ARNT2: variants seen among roughly 807,000 people sequenced by gnomAD.
ARNT2 encodes aryl hydrocarbon receptor nuclear translocator 2.
A neutral mutation model predicts 91.7 loss-of-function variants in ARNT2; 36 were observed. The ratio of observed to expected loss-of-function variants is 0.39; its 90% CI spans 0.30 to 0.52. The LOEUF (loss-of-function observed/expected upper bound fraction) is 0.52. ARNT2 is among the 20% of genes least tolerant of loss of function. The pLI is 0.72. For synonymous variants in ARNT2, 365 were observed against 347.1 expected, an observed-to-expected ratio of 1.05 and a Z score of -0.57; for missense variants, 775 against 939.3, an observed-to-expected ratio of 0.83 and a Z score of 2.29.
chr15:80,529,913 TC>T (rs752602497), intron 8 of ARNT2, among the ~76,000 whole-genome samples: 1 of 152,234 alleles, frequency 6.6e-6, no homozygotes, highest in Non-Finnish European at 1.5e-5. Flanking sequence ...CTGAACTCCA[TC>T]TTTGCTGAAT....
chr15:80,539,613 A>G (rs893327399), intron 8 of ARNT2, among the ~76,000 whole-genome samples: 1 of 152,136 alleles, frequency 6.6e-6, no homozygotes, highest in Non-Finnish European at 1.5e-5. Context: ...ATAAAATATA[A>G]TTACTTAAGA....
Position 80,593,801 on chromosome 15 carries a change from C to A in ARNT2, c.*103C>A, listed in dbSNP as rs1893327994. On this transcript the variant is annotated 3_prime_UTR_variant, in exon 19 of 19. Transcript: ENST00000303329. ...CTCGCCCTGCTTGCCCTGCCGCAGGCCCCCCACCAGAAGCCATCTCCCCCG... is the reference window on the plus strand; with the variant it reads ...CTCGCCCTGCTTGCCCTGCCGCAGGACCCCCACCAGAAGCCATCTCCCCCG... 8 of 1,082,558 alleles carry A rather than the reference C, an allele frequency of 7.4e-6. No homozygotes were observed. The South Asian group carries it at 1.0e-4, about 14-fold the overall frequency. The allele number at this position is 1,082,558 out of a possible 1,614,324, so 67.1% of individuals were successfully genotyped here. A position where few individuals can be genotyped will look rare whatever the true frequency, so the allele number is the denominator to read the frequency against.
intron 14 of ARNT2, among the ~76,000 whole-genome samples, chr15:80,576,096 A>C (rs1410684098): frequency 2.6e-5 from 4 of 152,164 alleles, no homozygotes; most frequent in Non-Finnish European, 5.9e-5. Context: ...GGGGATGATT[A>C]AGTAACAGTC....
chr15:80,592,776 C>A (rs1278368021), intron 18 of ARNT2, among the ~76,000 whole-genome samples: 1 of 152,246 alleles, frequency 6.6e-6, no homozygotes, highest in African/African-American at 2.4e-5. Context: ...CCCACAGCAA[C>A]CCTGTAAGGC....
chr15:80,476,376 C>A (rs944944689), intron 5 of ARNT2, among the ~76,000 whole-genome samples: 1 of 152,180 alleles, frequency 6.6e-6, no homozygotes, highest in African/African-American at 2.4e-5. Context: ...TCTAGTTTTT[C>A]TTACAGATAA....
At chr15:80,412,782 C>T (rs1895705425) in intron 1 of ARNT2, among the ~76,000 whole-genome samples, 1 of 152,178 alleles carries the variant, frequency 6.6e-6, no homozygotes. Context: ...TCCTTATTGT[C>T]AATTCTTTGA....
chr15:80,427,794 C>T lies in ARNT2; in HGVS notation c.32-23086C>T, dbSNP rs147600880. Among the ~76,000 whole-genome samples the T allele has an allele frequency of 3.7e-3, 564 of 152,320 alleles. 3 individuals carry two copies. The highest frequency in any genetic ancestry group is 0.013 in the African/African-American group (531 of 41,576). Reference sequence around the variant, plus strand: ...TGTTTAGTTTACAAAGCAATATTTTCTGCATTTAGACAGTCCCAGCTCTTC... The same window carrying T: ...TGTTTAGTTTACAAAGCAATATTTTTTGCATTTAGACAGTCCCAGCTCTTC... On this transcript the variant is annotated intron_variant, in intron 1 of 18. Transcript: ENST00000303329.
intron 1 of ARNT2, among the ~76,000 whole-genome samples, chr15:80,415,686 A>G (rs543158769): frequency 6.6e-6 from 1 of 152,328 alleles, no homozygotes; most frequent in Non-Finnish European, 1.5e-5. Context: ...TGGATCTTTC[A>G]GATACTTAGG....
intron 3 of ARNT2, among the ~76,000 whole-genome samples, chr15:80,465,384 G>T (rs1355599100): frequency 1.3e-5 from 2 of 152,140 alleles, no homozygotes; most frequent in African/African-American, 4.8e-5. Context: ...ATTTTCAGCA[G>T]GTCTGTTGTT....
At chr15:80,489,999 G>A (rs1276062591) in intron 5 of ARNT2, among the ~76,000 whole-genome samples, 1 of 152,144 alleles carries the variant, frequency 6.6e-6, no homozygotes, top group Non-Finnish European at 1.5e-5. Context: ...GTAAATGCTT[G>A]TCATCTTTTT....
intron 1 of ARNT2, among the ~76,000 whole-genome samples, chr15:80,414,575 AATAAC>A (rs774915393): frequency 1.2e-4 from 19 of 152,210 alleles, no homozygotes; most frequent in Non-Finnish European, 2.6e-4. Flanking sequence ...TTAAATGTGA[AATAAC>A]AGAACTGCAA....
chr15:80,468,650 A>G (rs1896691425), intron 3 of ARNT2, among the ~76,000 whole-genome samples: 1 of 149,792 alleles, frequency 6.7e-6, no homozygotes, highest in Non-Finnish European at 1.5e-5. Flanking sequence ...TCTTCGCTAT[A>G]TCGTTCTCCA....
chr15:80,455,719 T>C (rs528239836), intron 2 of ARNT2, among the ~76,000 whole-genome samples: 10 of 152,076 alleles, frequency 6.6e-5, no homozygotes, highest in East Asian at 1.9e-4. Context: ...CCGAAGATCA[T>C]GAAGGCTGAG....
chr15:80,408,684 G>C (rs1385034032), intron 1 of ARNT2, among the ~76,000 whole-genome samples: 1 of 152,076 alleles, frequency 6.6e-6, no homozygotes, highest in Non-Finnish European at 1.5e-5. Context: ...ATACAGTTGA[G>C]CCCAATTTCT....
At chr15:80,447,141 AACACAC>A (rs141530902) in intron 1 of ARNT2, among the ~76,000 whole-genome samples, 1 of 150,080 alleles carries the variant, frequency 6.7e-6, no homozygotes, top group Admixed American at 6.6e-5. Flanking sequence ...CTGTGCATAT[AACACAC>A]ACACACACAC....
intron 8 of ARNT2, among the ~76,000 whole-genome samples, chr15:80,534,920 C>T (rs868063019): frequency 3.9e-5 from 6 of 152,178 alleles, no homozygotes; most frequent in Admixed American, 6.5e-5. Flanking sequence ...CAGGTTCAGC[C>T]GTTCTCTACT....
At position 80,558,065 on chromosome 15, in the gene ARNT2, G is replaced by A. The variant is rs566381960; in HGVS notation, c.1164+2926G>A. Among the ~76,000 whole-genome samples the A allele has an allele frequency of 2.0e-5, 3 of 152,168 alleles. No individual in the cohort carries two copies. The South Asian group carries it at 6.2e-4, about 32-fold the overall frequency. The stretch of plus-strand genomic sequence containing the variant: ...TGAACATGCTTTTCCCAACCTCAGG[G>A]CCTTTGCACATGCTGTTCCCCTGAG... On this transcript the variant is annotated intron_variant, in intron 11 of 18. Coordinates refer to ENST00000303329, the MANE Select transcript of ARNT2 (RefSeq NM_014862.4).
rs1432874813 is a variant in ARNT2, at chr15:80,412,689, G to A, written c.31+8143G>A. The stretch of plus-strand genomic sequence containing the variant: ...TATATCTGGGCATATAATATTTGGT[G>A]TGCTTTTCTGTTTGCCAGAATTGTA... On this transcript the variant is annotated intron_variant, in intron 1 of 18. Coordinates refer to ENST00000303329, the MANE Select transcript of ARNT2 (RefSeq NM_014862.4). Among the ~76,000 whole-genome samples, 3 of 152,272 alleles carry A rather than the reference G, an allele frequency of 2.0e-5. No individual in the cohort carries two copies. In the South Asian group the frequency reaches 6.2e-4, roughly 32 times the overall value.
intron 7 of ARNT2, 129 bp from the exon 8 acceptor site, chr15:80,514,191 G>T: frequency 2.9e-6 from 3 of 1,032,734 alleles, no homozygotes; most frequent in Non-Finnish European, 4.5e-6. Context: ...ACACAGGATG[G>T]TGAGGAGTCA....
Sources: allele counts gnomAD v4.1 joint callset (sites outside exome capture counted in the v4.1 genomes callset), GRCh38; gene constraint gnomAD v4.1.1; transcripts MANE v1.5; gene names NCBI Gene and HGNC (gene_info 2026-07-23, HGNC 2026-07-21).